Variants in SCLT1 observed in about 807,000 individuals in gnomAD.
SCLT1 encodes sodium channel and clathrin linker 1.
Under a neutral mutation model 112.8 loss-of-function variants are expected in SCLT1, and 78 were observed. The ratio of observed to expected loss-of-function variants is 0.69; its 90% confidence interval spans 0.58 to 0.83. SCLT1 has a LOEUF of 0.83. SCLT1 is among the 40% of genes least tolerant of loss of function. The pLI is 0.00. For missense variants in SCLT1, 747 were observed against 770.4 expected (o/e 0.97, Z 0.36); for synonymous variants, 257 against 254.7 (o/e 1.01, Z -0.09).
intron 18 of SCLT1, among the ~76,000 whole-genome samples, chr4:128,891,732 C>T (rs1733343292): frequency 6.6e-6 from 1 of 150,672 alleles, no homozygotes; most frequent in African/African-American, 2.5e-5. Flanking sequence ...GCAACCTCTG[C>T]CTCCCAGGGT....
intron 18 of SCLT1, among the ~76,000 whole-genome samples, chr4:128,898,481 C>T (rs1733975841): frequency 6.6e-6 from 1 of 152,022 alleles, no homozygotes; most frequent in Non-Finnish European, 1.5e-5. Context: ...CCAACGAGAA[C>T]AAAGACACAA....
intron 2 of SCLT1, among the ~76,000 whole-genome samples, chr4:129,046,285 A>C (rs1748172130): frequency 6.6e-6 from 1 of 152,112 alleles, no homozygotes; most frequent in African/African-American, 2.4e-5. Flanking sequence ...TGGTACTGCA[A>C]AAAGTGAGAA....
At chr4:128,943,232 C>T in intron 16 of SCLT1, 44 bp from the exon 17 acceptor site, 1 of 1,338,248 alleles carries the variant, frequency 7.5e-7, no homozygotes, top group Non-Finnish European at 1.0e-6. Context: ...ACTTAATGAT[C>T]TATAGTAGAA....
rs146086873 is a variant in SCLT1, at chr4:129,000,326, G to A, written c.427-532C>T. On this transcript the variant is annotated intron_variant, in intron 6 of 20. Coordinates refer to ENST00000281142, the MANE Select transcript of SCLT1 (RefSeq NM_144643.4). ...CATTCATGTTTATAAATGTGATTCT[G>A]GGTGAGAATTTTGTAATTATTTTAA... is the stretch of plus-strand genomic sequence containing the variant. Among the ~76,000 whole-genome samples the A allele has an allele frequency of 7.2e-5, 11 of 151,976 alleles. No homozygotes were observed. In the East Asian group the frequency reaches 2.1e-3, roughly 29 times the overall value.
intron 5 of SCLT1, 128 bp downstream of exon 5, chr4:129,038,913 A>T: frequency 1.5e-6 from 1 of 672,342 alleles, no homozygotes; most frequent in Non-Finnish European, 2.7e-6. Flanking sequence ...GCCAGGAGTC[A>T]AATAGAAAAT....
intron 18 of SCLT1, among the ~76,000 whole-genome samples, chr4:128,922,481 T>A (rs1260315351): frequency 6.6e-6 from 1 of 152,022 alleles, no homozygotes; most frequent in African/African-American, 2.4e-5. Flanking sequence ...TAAAAAAGAA[T>A]GAGATTATGT....
Position 128,928,835 on chromosome 4 carries a change from A to G in SCLT1, c.1829+7820T>C, listed in dbSNP as rs78553649. Among the ~76,000 whole-genome samples, 11 of 14,852 alleles carry G rather than the reference A, an allele frequency of 7.4e-4. No homozygotes were observed. The East Asian group carries it at 0.02, about 26-fold the overall frequency. The allele number at this position is 14,852 out of a possible 152,430, so 9.7% of individuals were successfully genotyped here. A position where few individuals can be genotyped will look rare whatever the true frequency, so the allele number is the denominator to read the frequency against. ...AAACAAGAGCGAAACTCCGTCTCGC[A>G]AAAAAAAAAAAAATTAATATTTGTG... On this transcript the variant is annotated intron_variant, in intron 18 of 20. Coordinates refer to ENST00000281142, the MANE Select transcript of SCLT1 (RefSeq NM_144643.4).
intron 8 of SCLT1, among the ~76,000 whole-genome samples, chr4:128,996,744 C>T (rs1743046845): frequency 6.6e-6 from 1 of 151,970 alleles, no homozygotes; most frequent in African/African-American, 2.4e-5. Context: ...TTTCTCGTAT[C>T]CAGTTTATTC....
At chr4:129,007,068 T>A (rs575468395) in intron 5 of SCLT1, among the ~76,000 whole-genome samples, 32 of 152,340 alleles carry the variant, frequency 2.1e-4, no homozygotes, top group African/African-American at 7.7e-4. Flanking sequence ...GTTACCTTTT[T>A]ATTATTGATT....
chr4:128,971,928 C>G (rs1381823465), intron 9 of SCLT1: 2 of 151,992 alleles, frequency 1.3e-5, no homozygotes, highest in Non-Finnish European at 2.9e-5. Context: ...GAGGCTGAGG[C>G]AGGAGAATCG....
intron 18 of SCLT1, among the ~76,000 whole-genome samples, chr4:128,925,706 G>A (rs1156570339): frequency 6.6e-6 from 1 of 152,014 alleles, no homozygotes; most frequent in Non-Finnish European, 1.5e-5. Flanking sequence ...GCTTGATATT[G>A]TCCCTAAAGT....
intron 5 of SCLT1, among the ~76,000 whole-genome samples, chr4:129,011,935 T>C (rs539913469): frequency 2.7e-5 from 4 of 150,862 alleles, no homozygotes; most frequent in African/African-American, 9.9e-5. Flanking sequence ...TTTTCTTCTT[T>C]ATTAGTCTAG....
At chr4:128,921,003 A>G (rs780926128) in intron 18 of SCLT1, among the ~76,000 whole-genome samples, 2 of 152,198 alleles carry the variant, frequency 1.3e-5, no homozygotes, top group Non-Finnish European at 2.9e-5. Context: ...GCATTTCTAT[A>G]CATCAGTGAC....
At chr4:129,029,129 G>T (rs987347568) in intron 5 of SCLT1, among the ~76,000 whole-genome samples, 2 of 152,098 alleles carry the variant, frequency 1.3e-5, no homozygotes, top group African/African-American at 4.8e-5. Flanking sequence ...CAATTCCTCA[G>T]GGATCTAGAA....
chr4:128,999,325 A>G (rs971309304), intron 7 of SCLT1, among the ~76,000 whole-genome samples: 1 of 151,976 alleles, frequency 6.6e-6, no homozygotes, highest in South Asian at 2.1e-4. Context: ...ATAAACTAAT[A>G]AACAATTTTG....
Position 128,888,682 on chromosome 4 carries a change from C to T in SCLT1, c.2001G>A (p.Gln667=), listed in dbSNP as rs1360871006. The stretch of plus-strand genomic sequence containing the variant: ...GGGATAAGAGGATGCTCCCTACCTG[C>T]TGGGAAGCTGAAGCAGCTCTCTCTT... ...QAEERAASAS[Q]QLSVITVQRR... is the part of the protein sequence containing the mutation. Residue 667 remains glutamine, a synonymous_variant, in exon 20 of 21, where the codon CAG becomes CAA. Transcript: ENST00000281142. The T allele has an allele frequency of 1.9e-6, 3 of 1,601,936 alleles. No individual in the cohort carries two copies. Among genetic ancestry groups the T allele is most frequent in the Non-Finnish European group, 2.6e-6 (3 of 1,170,102 alleles).
In SCLT1 at chr4:128,952,800, C is replaced by G; in HGVS notation, c.1187G>C (p.Arg396Pro). 1 of 1,567,770 alleles carries G rather than the reference C, an allele frequency of 6.4e-7. No individual in the cohort carries two copies. Among genetic ancestry groups the G allele is most frequent in the African/African-American group, 1.3e-5 (1 of 74,150 alleles). ...TKKQCNIQISRLTEELSALQM... is the reference protein window; with the variant it reads ...TKKQCNIQISPLTEELSALQM... Reference sequence around the variant, plus strand: ...AAGGGCTGAAAGTTCTTCTGTTAATCGAGAAATTTGTATATTACATTGTTT... The same window carrying G: ...AAGGGCTGAAAGTTCTTCTGTTAATGGAGAAATTTGTATATTACATTGTTT... Residue 396 changes from arginine to proline, a missense_variant, in exon 14 of 21, where the codon CGA becomes CCA. Arg to Pro is a moderately radical substitution (Grantham distance 103). Transcript: ENST00000281142.
intron 11 of SCLT1, among the ~76,000 whole-genome samples, chr4:128,964,663 T>C (rs984653378): frequency 6.6e-6 from 1 of 152,214 alleles, no homozygotes; most frequent in African/African-American, 2.4e-5. Flanking sequence ...GCCTTCCATT[T>C]TGATGGTTTA....
intron 12 of SCLT1, among the ~76,000 whole-genome samples, chr4:128,958,964 G>A (rs536938328): frequency 4.6e-5 from 7 of 152,198 alleles, no homozygotes; most frequent in East Asian, 3.9e-4. Context: ...CTAGGCATTC[G>A]ATGAATGTTG....
Sources: allele counts gnomAD v4.1 joint callset (sites outside exome capture counted in the v4.1 genomes callset), GRCh38; gene constraint gnomAD v4.1.1; transcripts MANE v1.5; gene names NCBI Gene and HGNC (gene_info 2026-07-23, HGNC 2026-07-21).